The following CADM2 variants were observed in gnomAD, a reference collection of about 807,000 sequenced individuals.
The protein encoded by CADM2 is immunoglobulin superfamily member 4D.
A neutral mutation model predicts 49.8 loss-of-function variants in CADM2; 12 were observed. The observed-to-expected ratio is 0.24, with a 90% CI of 0.15 to 0.39. CADM2 has a LOEUF of 0.39. CADM2 is among the 10% of genes least tolerant of loss of function. The pLI is 1.00. For synonymous variants in CADM2, 214 were observed against 175.4 expected (o/e 1.22, Z -1.74); for missense variants, 378 against 492.3 (o/e 0.77, Z 2.20).
intron 1 of CADM2, among the ~76,000 whole-genome samples, chr3:84,965,677 TTAA>T (rs2030922766): frequency 6.6e-6 from 1 of 152,206 alleles, no homozygotes; most frequent in African/African-American, 2.4e-5. Flanking sequence ...TGTGTTGGAC[TTAA>T]TAACTGTTGG....
intron 6 of CADM2, among the ~76,000 whole-genome samples, chr3:85,922,692 A>G (rs576991774): frequency 6.6e-6 from 1 of 152,332 alleles, no homozygotes; most frequent in East Asian, 1.9e-4. Flanking sequence ...TTAGAATGCA[A>G]TACTTTAGAA....
At chr3:85,310,602 C>T (rs2044318620) in intron 1 of CADM2, among the ~76,000 whole-genome samples, 1 of 152,080 alleles carries the variant, frequency 6.6e-6, no homozygotes, top group Non-Finnish European at 1.5e-5. Context: ...TACATAAAAG[C>T]TTGCAAAACT....
At chr3:85,235,432 C>A (rs2042387979) in intron 1 of CADM2, among the ~76,000 whole-genome samples, 1 of 152,072 alleles carries the variant, frequency 6.6e-6, no homozygotes, top group Non-Finnish European at 1.5e-5. Flanking sequence ...ACATTCACTT[C>A]ACATCCTCTT....
chr3:85,846,163 T>C (rs1160638352), intron 3 of CADM2, among the ~76,000 whole-genome samples: 2 of 152,184 alleles, frequency 1.3e-5, no homozygotes, highest in Non-Finnish European at 2.9e-5. Flanking sequence ...ACACACAGGG[T>C]CATAAGAATA....
chr3:85,691,162 A>G (rs1336724969), intron 1 of CADM2, among the ~76,000 whole-genome samples: 1 of 152,114 alleles, frequency 6.6e-6, no homozygotes, highest in Non-Finnish European at 1.5e-5. Flanking sequence ...CCACATATGA[A>G]TGAGATCATG....
chr3:85,922,514 A>G (rs1559744413), intron 6 of CADM2, among the ~76,000 whole-genome samples: 1 of 152,022 alleles, frequency 6.6e-6, no homozygotes, highest in Non-Finnish European at 1.5e-5. Context: ...CGGACTTTTT[A>G]TTATCTATTT....
chr3:85,937,552 C>G (rs1283730872), intron 7 of CADM2, among the ~76,000 whole-genome samples: 1 of 151,906 alleles, frequency 6.6e-6, no homozygotes, highest in Non-Finnish European at 1.5e-5. Flanking sequence ...CTATTATGTG[C>G]TGCTACTTCA....
intron 8 of CADM2, among the ~76,000 whole-genome samples, chr3:86,063,831 A>G (rs1738985208): frequency 2.0e-5 from 3 of 152,160 alleles, no homozygotes; most frequent in Admixed American, 2.0e-4. Context: ...ATAGATCTGT[A>G]AATTATAAAT....
chr3:86,021,403 A>G (rs1004432026), intron 8 of CADM2, among the ~76,000 whole-genome samples: 6 of 152,060 alleles, frequency 3.9e-5, no homozygotes, highest in Non-Finnish European at 7.4e-5. Context: ...TCTGTCCTAT[A>G]TCAGTGATGT....
intron 3 of CADM2, among the ~76,000 whole-genome samples, chr3:85,813,338 A>G (rs1218570008): frequency 6.6e-6 from 1 of 152,106 alleles, no homozygotes; most frequent in African/African-American, 2.4e-5. Flanking sequence ...TGGCTGCATA[A>G]ATGTCTTCTT....
chr3:85,383,511 T>TATATATAC (rs1249934743), intron 1 of CADM2, among the ~76,000 whole-genome samples: 2 of 3,642 alleles, frequency 5.5e-4, no homozygotes, highest in Non-Finnish European at 8.0e-4. Context: ...ACCATATATA[T>TATATATAC]ATATGTATAT....
chr3:85,897,227 G>A (rs1168798941), intron 5 of CADM2, among the ~76,000 whole-genome samples: 1 of 97,102 alleles, frequency 1.0e-5, no homozygotes, highest in Non-Finnish European at 2.1e-5. Context: ...AACAATAATT[G>A]CTTTAACCTA....
chr3:85,585,176 C>A (rs73139828), intron 1 of CADM2, among the ~76,000 whole-genome samples: 31,251 of 151,738 alleles, frequency 0.21, 3,820 homozygotes, highest in East Asian at 0.3. Context: ...TCTGTTGAAA[C>A]CACCTGGCCA....
At chr3:85,599,627 C>T (rs1487761264) in intron 1 of CADM2, among the ~76,000 whole-genome samples, 4 of 151,800 alleles carry the variant, frequency 2.6e-5, no homozygotes, top group Admixed American at 6.6e-5. Flanking sequence ...CCAATACCCA[C>T]AATTATTTTC....
At chr3:85,749,300 A>C (rs2068761830) in intron 2 of CADM2, among the ~76,000 whole-genome samples, 1 of 151,976 alleles carries the variant, frequency 6.6e-6, no homozygotes, top group Non-Finnish European at 1.5e-5. Flanking sequence ...TTTTCTAAAC[A>C]CTTTTTACTC....
At chr3:85,165,351 T>C (rs1009630066) in intron 1 of CADM2, among the ~76,000 whole-genome samples, 4 of 151,856 alleles carry the variant, frequency 2.6e-5, no homozygotes, top group East Asian at 1.9e-4. Flanking sequence ...CTTTAAAGAG[T>C]AATACTTAAA....
chr3:85,254,911 T>A (rs1199098523), intron 1 of CADM2, among the ~76,000 whole-genome samples: 2 of 152,100 alleles, frequency 1.3e-5, no homozygotes, highest in Non-Finnish European at 2.9e-5. Flanking sequence ...CTCACCCAGA[T>A]GCCAGAGCCA....
At chr3:85,425,776 G>A (rs2036373355) in intron 1 of CADM2, among the ~76,000 whole-genome samples, 1 of 152,164 alleles carries the variant, frequency 6.6e-6, no homozygotes, top group African/African-American at 2.4e-5. Flanking sequence ...GAGAGATAAA[G>A]GTGGGACACC....
chr3:85,376,256 C>A (rs1242955366), intron 1 of CADM2, among the ~76,000 whole-genome samples: 1 of 152,036 alleles, frequency 6.6e-6, no homozygotes, highest in Admixed American at 6.6e-5. Flanking sequence ...ACATTACTAA[C>A]TATATCCCAA....
Sources: gnomAD v4.1 joint callset for allele counts (sites outside exome capture counted in the v4.1 genomes callset) on GRCh38, gnomAD v4.1.1 for gene constraint, MANE v1.5 for transcripts, NCBI Gene and HGNC (gene_info 2026-07-23, HGNC 2026-07-21) for gene names.